TNS1: variants seen among roughly 807,000 people sequenced by gnomAD.
TNS1 encodes tensin 1, also known as tensin-1.
A neutral mutation model predicts 168.6 loss-of-function variants in TNS1; 62 were observed. The ratio of observed to expected loss-of-function variants is 0.37; its 90% CI spans 0.30 to 0.45. The LOEUF (loss-of-function observed/expected upper bound fraction) is 0.45. Ranked by LOEUF, TNS1 falls within the 20% of genes least tolerant of loss-of-function variation. TNS1 has a pLI of 1.00. For missense variants in TNS1, 2,240 were observed against 2,339.4 expected (o/e 0.96, Z 0.88); for synonymous variants, 934 against 933.2 (o/e 1.00, Z -0.02).
chr2:217,927,990 T>C (rs1301156552), intron 3 of TNS1, among the ~76,000 whole-genome samples: 1 of 152,162 alleles, frequency 6.6e-6, no homozygotes, highest in Non-Finnish European at 1.5e-5. Context: ...AGTCCAGCAC[T>C]TCAGGGCTCA....
Position 217,818,646 on chromosome 2 carries a change from G to A in TNS1, c.3686C>T (p.Pro1229Leu), listed in dbSNP as rs370635239. ...FRSGSLGQPS[P>L]SAQRNYQSSS... ...GCTCTGGTAGTTTCTCTGGGCAGAC[G>A]GGCTGGGCTGTCCCAGGCTGCCTGA... The change falls in exon 24 of 33, where the codon CCG (proline) becomes CTG (leucine). Residue 1229 changes from proline (P) to leucine (L), a missense_variant. This residue lies in a region of TNS1 where 2,131 missense variants were observed against 2,171.2 expected (regional missense o/e 0.98). Transcript: ENST00000682258. The A allele has an allele frequency of 1.9e-5, 30 of 1,613,908 alleles. No individual in the cohort carries two copies. In the African/African-American group the frequency reaches 2.3e-4, roughly 12 times the overall value.
chr2:218,015,922 T>C (rs1958755578), intron 1 of TNS1, among the ~76,000 whole-genome samples: 1 of 152,198 alleles, frequency 6.6e-6, no homozygotes, highest in African/African-American at 2.4e-5. Context: ...ACCTAGGAGC[T>C]GGGCGCTGGG....
chr2:217,991,152 G>A (rs771483176), intron 1 of TNS1, 96 bp from the exon 2 acceptor site: 24 of 481,486 alleles, frequency 5.0e-5, no homozygotes, highest in Non-Finnish European at 9.1e-5. Context: ...CAGGGACAGG[G>A]AAAAGGATGG....
chr2:217,886,652 G>A lies in TNS1; in HGVS notation c.867-6C>T. On this transcript the variant is annotated splice_polypyrimidine_tract_variant and splice_region_variant and intron_variant, in intron 12 of 32. Coordinates refer to ENST00000682258, the MANE Select transcript of TNS1 (RefSeq NM_001387777.1). Reference sequence around the variant, plus strand: ...CACTGAAGTAATGCACGTACCTGTAGTGGTGGGAGAAGCAGCTTCAGGGAG... The same window carrying A: ...CACTGAAGTAATGCACGTACCTGTAATGGTGGGAGAAGCAGCTTCAGGGAG... The A allele has an allele frequency of 6.4e-7, 1 of 1,572,362 alleles. No homozygotes were observed. The highest frequency in any genetic ancestry group is 8.6e-7 in the Non-Finnish European group (1 of 1,157,002).
At chr2:217,941,534 G>A (rs756260851) in intron 3 of TNS1, among the ~76,000 whole-genome samples, 2 of 152,182 alleles carry the variant, frequency 1.3e-5, no homozygotes, top group Non-Finnish European at 2.9e-5. Context: ...TTGGCAGGAA[G>A]GAGGGGGCCC....
intron 16 of TNS1, among the ~76,000 whole-genome samples, chr2:217,882,715 C>T (rs910259157): frequency 7.9e-5 from 12 of 152,078 alleles, no homozygotes; most frequent in African/African-American, 2.7e-4. Context: ...TATTTTTATG[C>T]CACTATTTCT....
At chr2:217,885,371 G>A (rs1039414133) in intron 15 of TNS1, among the ~76,000 whole-genome samples, 1 of 152,212 alleles carries the variant, frequency 6.6e-6, no homozygotes, top group African/African-American at 2.4e-5. Context: ...CTTGGCCTCT[G>A]GGGACAAAAA....
At chr2:217,805,515 ACCACACACACCACACACACCACACACAC>A in intron 32 of TNS1, among the ~76,000 whole-genome samples, 1 of 44,584 alleles carries the variant, frequency 2.2e-5, no homozygotes, top group East Asian at 5.1e-4. Context: ...CACCACACAC[ACCACACACACCACACACACCACACACAC>A]CACCACACAC....
intron 1 of TNS1, among the ~76,000 whole-genome samples, chr2:218,031,713 G>A (rs569030008): frequency 6.6e-6 from 1 of 152,328 alleles, no homozygotes; most frequent in South Asian, 2.1e-4. Context: ...AAGAGAGGAA[G>A]AGGAGGTCAT....
chr2:217,877,481 C>T (rs1480893862), intron 18 of TNS1, among the ~76,000 whole-genome samples: 1 of 152,246 alleles, frequency 6.6e-6, no homozygotes, highest in Non-Finnish European at 1.5e-5. Flanking sequence ...CTGAGCTGAG[C>T]TAATGCCAAG....
chr2:217,826,607 G>A (rs376181637), intron 22 of TNS1, among the ~76,000 whole-genome samples: 5 of 152,130 alleles, frequency 3.3e-5, no homozygotes, highest in South Asian at 2.1e-4. Context: ...TGCTGCCTCC[G>A]CTGCTCCTAG....
At chr2:217,846,484 C>T (rs903605025) in intron 19 of TNS1, among the ~76,000 whole-genome samples, 1 of 152,280 alleles carries the variant, frequency 6.6e-6, no homozygotes, top group South Asian at 2.1e-4. Context: ...AGGACAGAGA[C>T]AGCTGCCCAG....
intron 24 of TNS1, among the ~76,000 whole-genome samples, chr2:217,815,774 C>T (rs1282783630): frequency 2.0e-5 from 3 of 152,218 alleles, no homozygotes; most frequent in Non-Finnish European, 4.4e-5. Context: ...AGCATACCCA[C>T]CATGAAGATG....
rs572663774 is a variant in TNS1 at position 217,808,596 on chromosome 2, G to A, written c.5342+7C>T. On this transcript the variant is annotated splice_region_variant and intron_variant, in intron 31 of 32. Coordinates refer to ENST00000682258, the MANE Select transcript of TNS1 (RefSeq NM_001387777.1). ...TGTGGGAGAGAAGCTGTGTACAAGA[G>A]ACTTACTTTCTTTCCTGTGGATCCA... 3 of 1,613,932 alleles carry A rather than the reference G, an allele frequency of 1.9e-6. No homozygotes were observed. The highest frequency in any genetic ancestry group is 3.3e-5 in the Admixed American group (2 of 60,024).
At chr2:217,973,433 G>GGA (rs1957819657) in intron 3 of TNS1, among the ~76,000 whole-genome samples, 1 of 151,334 alleles carries the variant, frequency 6.6e-6, no homozygotes, top group South Asian at 2.1e-4. Flanking sequence ...ATCCTCAACA[G>GGA]GAGAGAAACA....
chr2:217,810,044 A>T, intron 29 of TNS1, 53 bp from the exon 30 acceptor site: 1 of 1,575,596 alleles, frequency 6.3e-7, no homozygotes, highest in Non-Finnish European at 8.7e-7. Flanking sequence ...GGGTGAGGAC[A>T]TTAACCCAGA....
At chr2:217,805,572 C>T (rs1938658326) in intron 32 of TNS1, among the ~76,000 whole-genome samples, 1 of 386 alleles carries the variant, frequency 2.6e-3, no homozygotes, top group African/African-American at 0.015. Flanking sequence ...CCACCACACA[C>T]ACCACACACA....
intron 2 of TNS1, among the ~76,000 whole-genome samples, chr2:217,987,818 C>T (rs755574484): frequency 6.6e-6 from 1 of 152,218 alleles, no homozygotes; most frequent in Non-Finnish European, 1.5e-5. Context: ...TTGGTCCACA[C>T]ATGCCCCCTC....
At chr2:217,853,157 C>T (rs969071228) in intron 18 of TNS1, among the ~76,000 whole-genome samples, 7 of 152,038 alleles carry the variant, frequency 4.6e-5, no homozygotes, top group South Asian at 2.1e-4. Context: ...CACAAGAAGC[C>T]GGAACACAAT....
Sources: allele counts gnomAD v4.1 joint callset (sites outside exome capture counted in the v4.1 genomes callset), GRCh38; gene constraint gnomAD v4.1.1; regional missense constraint gnomAD v4.1.1; transcripts MANE v1.5; gene names NCBI Gene and HGNC (gene_info 2026-07-23, HGNC 2026-07-21).